The following CFAP74 variants were observed in gnomAD, a reference collection of about 807,000 sequenced individuals.
CFAP74 encodes the protein cilia- and flagella-associated protein 74.
Under a neutral mutation model 188.9 loss-of-function variants are expected in CFAP74, and 124 were observed. The observed-to-expected ratio is 0.66, with a 90% CI of 0.57 to 0.76. CFAP74 has a LOEUF of 0.76. Among genes scored for constraint, CFAP74 ranks in the 30% least tolerant of loss-of-function variants. The probability of loss-of-function intolerance (pLI) is 0.00; values close to 1 mark genes in which losing one functional copy is unlikely to be tolerated. For missense variants in CFAP74, 2,198 were observed against 2,165.2 expected, an observed-to-expected ratio of 1.02 and a Z score of -0.30; for synonymous variants, 956 against 916.7, an observed-to-expected ratio of 1.04 and a Z score of -0.77.
At chr1:1,959,922 C>T (rs770653210) in intron 15 of CFAP74, 42 bp downstream of exon 15, 3 of 1,531,318 alleles carry the variant, frequency 2.0e-6, no homozygotes, top group Non-Finnish European at 2.6e-6. Context: ...CTCCACCCAC[C>T]ACCACCTCCC....
At position 1,923,547 on chromosome 1, in the gene CFAP74, G is replaced by A. The variant is rs747920601; in HGVS notation, c.4390-48C>T. 1.3e-5 allele frequency: 21 copies of A among 1,588,778 alleles called. No individual in the cohort carries two copies. The highest frequency in any genetic ancestry group is 3.4e-5 in the Admixed American group (2 of 58,896). ...CCTTGTCCCCGAAGCTCGGCGGCAG[G>A]GGTCCTGCTGGTGAGAGCTGGGCTG... is the stretch of plus-strand genomic sequence containing the variant. On this transcript the variant is annotated intron_variant, in intron 35 of 38. Transcript: ENST00000682832. This position sits in a 1 kb window ranked among gnomAD's most constrained non-coding sequence, Gnocchi z 6.3.
chr1:1,933,286 C>T (rs756923971), intron 25 of CFAP74, among the ~76,000 whole-genome samples: 16 of 151,164 alleles, frequency 1.1e-4, no homozygotes, highest in South Asian at 2.1e-4. Context: ...TGGGTTCAAG[C>T]GACTCTCCTG....
intron 2 of CFAP74, among the ~76,000 whole-genome samples, chr1:1,989,804 C>A (rs1470029022): frequency 6.6e-6 from 1 of 152,196 alleles, no homozygotes; most frequent in Non-Finnish European, 1.5e-5. Context: ...GGTGGTACCA[C>A]ACCCGGCCAG....
intron 18 of CFAP74, chr1:1,954,914 G>T: frequency 8.5e-7 from 1 of 1,173,874 alleles, no homozygotes; most frequent in Non-Finnish European, 1.1e-6. Context: ...AACGGCCTTC[G>T]CAACAGTGTG....
In CFAP74 at chr1:1,974,099, CACCT is replaced by C. The variant is rs755905695; in HGVS notation, c.596_599del (p.Gln199ArgfsTer23). The C allele has an allele frequency of 6.2e-7, 1 of 1,612,520 alleles. No homozygotes were observed. The highest frequency in any genetic ancestry group is 8.5e-7 in the Non-Finnish European group (1 of 1,179,270). Reference sequence around the variant, plus strand: ...CTCTGCAGAGCTGCTCGGCTGCGCGCACCTGGAGCCGCCGCCCCGTGGCCTCCAC... The same window carrying C: ...CTCTGCAGAGCTGCTCGGCTGCGCGCGGAGCCGCCGCCCCGTGGCCTCCAC... On this transcript the variant is annotated frameshift_variant, in exon 7 of 39. Transcript: ENST00000682832. LOFTEE classifies it high-confidence loss of function.
At chr1:1,993,402 A>C (rs562490404) in intron 1 of CFAP74, among the ~76,000 whole-genome samples, 1 of 151,354 alleles carries the variant, frequency 6.6e-6, no homozygotes, top group South Asian at 2.1e-4. Flanking sequence ...CTCCTGCTTC[A>C]GCCTCCCAAA....
At chr1:1,949,490 T>G (rs1204539482) in intron 18 of CFAP74, among the ~76,000 whole-genome samples, 4 of 111,092 alleles carry the variant, frequency 3.6e-5, no homozygotes, top group Admixed American at 1.6e-4. Context: ...GTGTGAGTGA[T>G]TTTTTTTTTA....
At chr1:1,934,868 TGTGTGCGTGGGTGTTAGGTTGTAGGTAC>T (rs1652745268) in intron 25 of CFAP74, among the ~76,000 whole-genome samples, 1 of 149,484 alleles carries the variant, frequency 6.7e-6, no homozygotes, top group African/African-American at 2.5e-5. Flanking sequence ...GGTACACACG[TGTGTGCGTGGGTGTTAGGTTGTAGGTAC>T]ACACGTGTGT....
chr1:1,933,184 C>A (rs1315422448), intron 25 of CFAP74, among the ~76,000 whole-genome samples: 1 of 147,848 alleles, frequency 6.8e-6, no homozygotes, highest in Admixed American at 6.7e-5. Flanking sequence ...CCGTGCCTGA[C>A]CTTTTTTTTT....
At chr1:1,999,528 T>C (rs1658091690) in intron 1 of CFAP74, among the ~76,000 whole-genome samples, 4 of 152,150 alleles carry the variant, frequency 2.6e-5, no homozygotes, top group Non-Finnish European at 5.9e-5. Flanking sequence ...TTAAAAATTT[T>C]CATTCAGGCC....
chr1:1,979,299 C>T (rs1413691770), intron 6 of CFAP74, among the ~76,000 whole-genome samples: 2 of 122,534 alleles, frequency 1.6e-5, no homozygotes, highest in African/African-American at 3.2e-5. Context: ...GCACAGAACA[C>T]GTGTGTCGTG....
chr1:1,971,936 G>T (rs771826485), intron 9 of CFAP74, 44 bp downstream of exon 9: 3 of 1,489,504 alleles, frequency 2.0e-6, no homozygotes, highest in Non-Finnish European at 2.8e-6. Context: ...ACGGACCCCG[G>T]CAGGGCGCCA....
chr1:1,946,337 T>TA lies in CFAP74; in HGVS notation c.2343dup (p.Lys782Ter). On this transcript the variant is annotated frameshift_variant, in exon 20 of 39. Transcript: ENST00000682832. LOFTEE classifies it high-confidence loss of function. ...CTCACCGTGGGGCACTGGGGGTTCT[T>TA]AAACGTGACTTTGAACCTGGCTTGG... The TA allele has an allele frequency of 6.5e-7, 1 of 1,536,448 alleles. No homozygotes were observed. Among genetic ancestry groups the TA allele is most frequent in the Non-Finnish European group, 8.7e-7 (1 of 1,146,788 alleles).
intron 18 of CFAP74, among the ~76,000 whole-genome samples, chr1:1,950,336 A>G (rs543311270): frequency 7.4e-6 from 1 of 134,782 alleles, no homozygotes; most frequent in Non-Finnish European, 1.6e-5. Flanking sequence ...TCTTTTGCCC[A>G]TTTTTTTTTT....
At chr1:1,924,023 C>A in intron 34 of CFAP74, 94 bp from the exon 35 acceptor site, 1 of 1,312,124 alleles carries the variant, frequency 7.6e-7, no homozygotes, top group Non-Finnish European at 1.0e-6. Context: ...ACCCTGCCCG[C>A]CCCCCTGCAG....
rs1199665723 is a variant in CFAP74 at position 1,944,438 on chromosome 1, G to A, written c.2379C>T (p.Val793=). The A allele has an allele frequency of 4.9e-5, 76 of 1,536,044 alleles. No individual in the cohort carries two copies. Among genetic ancestry groups the A allele is most frequent in the Middle Eastern group, 1.7e-4 (1 of 5,990 alleles). The stretch of plus-strand genomic sequence containing the variant: ...CCGGCACATCGATGGCCACGCCCAC[G>A]ACCCTGAAATGCAGCTGCATATGGA... The part of the protein sequence containing the change: ...NPQCPTLHFR[V]VGVAIDVPVW... The change falls in exon 21 of 39, where the codon GTC becomes GTT. Residue 793 remains valine, a synonymous_variant. Transcript: ENST00000682832.
At position 1,928,898 on chromosome 1, in the gene CFAP74, C is replaced by T. The variant is rs760918512; in HGVS notation, c.3289-16G>A. On this transcript the variant is annotated splice_polypyrimidine_tract_variant and intron_variant, in intron 26 of 38. Transcript: ENST00000682832. Reference sequence around the variant, plus strand: ...CCAGGCACCTCTGAGGAGAGACCAGCGTGGGCACAGGGGTTGCCACTTCCC... The same window carrying T: ...CCAGGCACCTCTGAGGAGAGACCAGTGTGGGCACAGGGGTTGCCACTTCCC... 51 of 1,524,550 alleles carry T rather than the reference C, an allele frequency of 3.3e-5. No homozygotes were observed. The highest frequency in any genetic ancestry group is 8.2e-5 in the African/African-American group (6 of 72,924). 94.4% of individuals were successfully genotyped at this position (1,524,550 alleles called of 1,614,324 possible).
At chr1:1,954,060 C>T (rs751979134) in intron 18 of CFAP74, 4 of 152,236 alleles carry the variant, frequency 2.6e-5, no homozygotes, top group Non-Finnish European at 4.4e-5. Context: ...AGATGTCACA[C>T]CAAAGAAGAT....
At chr1:1,980,113 A>T (rs1656739156) in intron 6 of CFAP74, among the ~76,000 whole-genome samples, 2 of 139,506 alleles carry the variant, frequency 1.4e-5, no homozygotes, top group African/African-American at 5.4e-5. Flanking sequence ...AGCCACCGGC[A>T]CAGATCGCAG....
Sources: gnomAD v4.1 joint callset for allele counts (sites outside exome capture counted in the v4.1 genomes callset) on GRCh38, gnomAD v4.1.1 for gene constraint, Gnocchi (gnomAD v3.1) non-coding constraint, MANE v1.5 for transcripts, NCBI Gene and HGNC (gene_info 2026-07-23, HGNC 2026-07-21) for gene names.